Variants in SEMA5A observed in about 807,000 individuals in gnomAD.
The protein encoded by SEMA5A is semaphorin-5A.
In SEMA5A, 55 loss-of-function variants were observed where a neutral mutation model predicts 135.5. The ratio of observed to expected loss-of-function variants is 0.41; its 90% CI spans 0.33 to 0.51. SEMA5A has a LOEUF of 0.51. SEMA5A is among the 20% of genes least tolerant of loss of function. SEMA5A has a pLI of 0.37. For missense variants in SEMA5A, 1,290 were observed against 1,419.9 expected, an observed-to-expected ratio of 0.91 and a Z score of 1.47; for synonymous variants, 580 against 546.5, an observed-to-expected ratio of 1.06 and a Z score of -0.85.
chr5:9,073,266 C>T (rs543878437), intron 16 of SEMA5A, among the ~76,000 whole-genome samples: 236 of 152,246 alleles, frequency 1.6e-3, no homozygotes, highest in Non-Finnish European at 2.8e-3. Flanking sequence ...ACCTCATGAT[C>T]AAGTGGCTTT....
rs774493929 is a variant in SEMA5A at position 9,038,279 on chromosome 5, A to G, written c.*4618T>C. On this transcript the variant is annotated 3_prime_UTR_variant, in exon 23 of 23. Transcript: ENST00000382496. The stretch of plus-strand genomic sequence containing the variant: ...TGTGGGGCTTAAGCACAGCCCTGCC[A>G]TGTGGAAAATGGTTATGCAGTCGCT... 2.0e-5 allele frequency: 3 copies of G among 152,190 alleles called. No homozygotes were observed. Among genetic ancestry groups the G allele is most frequent in the Non-Finnish European group, 2.9e-5 (2 of 68,038 alleles). 9.4% of individuals were successfully genotyped at this position (152,190 alleles called of 1,614,324 possible). A position where few individuals can be genotyped will look rare whatever the true frequency, so the allele number is the denominator to read the frequency against.
At position 9,039,146 on chromosome 5, in the gene SEMA5A, G is replaced by A. The variant is rs1036462927; in HGVS notation, c.*3751C>T. 39 of 152,422 alleles carry A rather than the reference G, an allele frequency of 2.6e-4. No individual in the cohort carries two copies. Among genetic ancestry groups the A allele is most frequent in the African/African-American group, 8.4e-4 (35 of 41,590 alleles). 9.4% of individuals were successfully genotyped at this position (152,422 alleles called of 1,614,324 possible). A position where few individuals can be genotyped will look rare whatever the true frequency, so the allele number is the denominator to read the frequency against. The stretch of plus-strand genomic sequence containing the variant: ...CATCCTTTTGCAGATAAATAAGGAA[G>A]TAAGTACACCTTTGGCTAAAACTCT... On this transcript the variant is annotated 3_prime_UTR_variant, in exon 23 of 23. Transcript: ENST00000382496.
chr5:9,457,632 G>C (rs954725977), intron 1 of SEMA5A, among the ~76,000 whole-genome samples: 1 of 152,128 alleles, frequency 6.6e-6, no homozygotes, highest in Non-Finnish European at 1.5e-5. Flanking sequence ...AGGTATGTTA[G>C]ATTAATTTCT....
chr5:9,113,376 G>T (rs1195278166), intron 15 of SEMA5A, among the ~76,000 whole-genome samples: 1 of 152,064 alleles, frequency 6.6e-6, no homozygotes, highest in Non-Finnish European at 1.5e-5. Context: ...TAGAAATCTG[G>T]ACTTAAAGGA....
chr5:9,160,389 C>T (rs1218929642), intron 11 of SEMA5A, among the ~76,000 whole-genome samples: 1 of 152,132 alleles, frequency 6.6e-6, no homozygotes, highest in Non-Finnish European at 1.5e-5. Flanking sequence ...CTTAAACCAA[C>T]TGTTTAAAGA....
chr5:9,388,304 C>T (rs1426062748), intron 2 of SEMA5A, among the ~76,000 whole-genome samples: 4 of 152,126 alleles, frequency 2.6e-5, no homozygotes, highest in African/African-American at 7.2e-5. Flanking sequence ...CCTTGTTTAG[C>T]TCCAGATCGC....
chr5:9,532,689 C>T (rs576722817), intron 1 of SEMA5A, among the ~76,000 whole-genome samples: 3 of 152,276 alleles, frequency 2.0e-5, no homozygotes, highest in East Asian at 1.9e-4. Flanking sequence ...TGATTGGGGA[C>T]GAGTGTTATC....
chr5:9,069,935 C>G (rs556807406), intron 16 of SEMA5A, among the ~76,000 whole-genome samples: 2 of 152,324 alleles, frequency 1.3e-5, no homozygotes, highest in Admixed American at 1.3e-4. Flanking sequence ...AAACCCTTGT[C>G]TTGGACCCTC....
intron 5 of SEMA5A, among the ~76,000 whole-genome samples, chr5:9,306,125 G>T (rs554002411): frequency 6.6e-6 from 1 of 152,340 alleles, no homozygotes; most frequent in East Asian, 1.9e-4. Flanking sequence ...ACGTGCTGGT[G>T]TGGTTATCTA....
chr5:9,352,341 T>TCTATCTAG (rs200334292), intron 3 of SEMA5A, among the ~76,000 whole-genome samples: 8 of 152,152 alleles, frequency 5.3e-5, no homozygotes, highest in East Asian at 1.9e-4. Flanking sequence ...TATCTATCCA[T>TCTATCTAG]CTATCTAGCT....
chr5:9,088,659 T>TACACACACACACAC (rs1554026678), intron 16 of SEMA5A, among the ~76,000 whole-genome samples: 86 of 112,602 alleles, frequency 7.6e-4, no homozygotes, highest in South Asian at 1.6e-3. Context: ...TATATATATA[T>TACACACACACACAC]ACACACACAC....
At chr5:9,153,617 G>A (rs1411256009) in intron 12 of SEMA5A, among the ~76,000 whole-genome samples, 1 of 151,794 alleles carries the variant, frequency 6.6e-6, no homozygotes, top group African/African-American at 2.4e-5. Context: ...GGGGAGGGGG[G>A]GGTGTCCCGG....
At chr5:9,107,239 G>A (rs1052860848) in intron 16 of SEMA5A, among the ~76,000 whole-genome samples, 1 of 152,102 alleles carries the variant, frequency 6.6e-6, no homozygotes, top group Non-Finnish European at 1.5e-5. Flanking sequence ...TGAGTAAGGG[G>A]AAATGCTGTT....
At chr5:9,169,918 C>T (rs959419018) in intron 11 of SEMA5A, among the ~76,000 whole-genome samples, 1 of 152,204 alleles carries the variant, frequency 6.6e-6, no homozygotes, top group Non-Finnish European at 1.5e-5. Flanking sequence ...GGCTTAGCTG[C>T]TCTTGCTACA....
At chr5:9,242,631 G>C (rs75824151) in intron 5 of SEMA5A, among the ~76,000 whole-genome samples, 1 of 152,062 alleles carries the variant, frequency 6.6e-6, no homozygotes, top group African/African-American at 2.4e-5. Flanking sequence ...GTGGGAGCGG[G>C]GCAAGGCATA....
chr5:9,237,894 T>C lies in SEMA5A; in HGVS notation c.271-4A>G. 6.2e-7 allele frequency: 1 copy of C among 1,613,316 alleles called. No homozygotes were observed. The highest frequency in any genetic ancestry group is 1.1e-5 in the South Asian group (1 of 91,052). On this transcript the variant is annotated splice_polypyrimidine_tract_variant and splice_region_variant and intron_variant, in intron 5 of 22. Transcript: ENST00000382496. Reference sequence around the variant, plus strand: ...CATCACACTCCCATTCCACAGCCTGTAGAAAACACCAAAACAATAGCAGTC... The same window carrying C: ...CATCACACTCCCATTCCACAGCCTGCAGAAAACACCAAAACAATAGCAGTC...
intron 1 of SEMA5A, among the ~76,000 whole-genome samples, chr5:9,465,076 TG>T (rs1759206906): frequency 3.9e-5 from 3 of 77,402 alleles, no homozygotes; most frequent in African/African-American, 1.2e-4. Flanking sequence ...TTCTGGATTC[TG>T]GATCCTGGAT....
rs945330551 is a variant in SEMA5A at position 9,216,220 on chromosome 5, C to A, written c.646+8454G>T. Among the ~76,000 whole-genome samples the A allele has an allele frequency of 7.2e-5, 11 of 152,296 alleles. No individual in the cohort carries two copies. The East Asian group carries it at 1.2e-3, about 16-fold the overall frequency. Reference sequence around the variant, plus strand: ...TTAGTTTCAACGCACTTCTCGATTTCTGCCTTAATTTCATTGTTTACACAA... The same window carrying A: ...TTAGTTTCAACGCACTTCTCGATTTATGCCTTAATTTCATTGTTTACACAA... On this transcript the variant is annotated intron_variant, in intron 8 of 22. Coordinates refer to ENST00000382496, the MANE Select transcript of SEMA5A (RefSeq NM_003966.3).
chr5:9,370,961 A>T (rs1755111106), intron 3 of SEMA5A, among the ~76,000 whole-genome samples: 1 of 152,240 alleles, frequency 6.6e-6, no homozygotes, highest in Non-Finnish European at 1.5e-5. Context: ...TAGAAAGATT[A>T]TAATATACTT....
Sources: gnomAD v4.1 joint callset for allele counts (sites outside exome capture counted in the v4.1 genomes callset) on GRCh38, gnomAD v4.1.1 for gene constraint, MANE v1.5 for transcripts, NCBI Gene and HGNC (gene_info 2026-07-23, HGNC 2026-07-21) for gene names.